The following SPRYD3 variants were observed in gnomAD, a reference collection of about 807,000 sequenced individuals.
SPRYD3 encodes SPRY domain containing 3.
Under a neutral mutation model 50.1 loss-of-function variants are expected in SPRYD3, and 17 were observed. That is an observed-to-expected ratio of 0.34 (90% CI 0.23 to 0.51). The LOEUF (loss-of-function observed/expected upper bound fraction) is 0.51. Among genes scored for constraint, SPRYD3 ranks in the 20% least tolerant of loss-of-function variants. The pLI is 0.97. For synonymous variants in SPRYD3, 198 were observed against 215.5 expected, an observed-to-expected ratio of 0.92 and a Z score of 0.71; for missense variants, 401 against 591.2, an observed-to-expected ratio of 0.68 and a Z score of 3.34.
intron 8 of SPRYD3, among the ~76,000 whole-genome samples, chr12:53,067,055 A>G (rs954834679): frequency 1.3e-5 from 2 of 149,234 alleles, no homozygotes; most frequent in African/African-American, 5.0e-5. Flanking sequence ...GGTTGCAGTG[A>G]GCCAAGATCA....
At chr12:53,073,582 C>T (rs992337532) in intron 5 of SPRYD3, 111 bp from the exon 6 acceptor site, 12 of 813,572 alleles carry the variant, frequency 1.5e-5, no homozygotes, top group Middle Eastern at 3.5e-4. Context: ...TGGTGGCTCA[C>T]GCCTGTAATC....
At chr12:53,073,260 C>CGGGGGGGGGGGGGGGGGGGGGGGGGG in intron 6 of SPRYD3, 26 bp downstream of exon 6, 1 of 416,308 alleles carries the variant, frequency 2.4e-6, no homozygotes, top group East Asian at 3.8e-5. Flanking sequence ...GACCCAGCCC[C>CGGGGGGGGGGGGGGGGGGGGGGGGGG]TCCCACCCTC....
chr12:53,073,550 A>G (rs1017969349), intron 5 of SPRYD3, 79 bp from the exon 6 acceptor site: 10 of 1,244,566 alleles, frequency 8.0e-6, no homozygotes, highest in Non-Finnish European at 9.9e-6. Flanking sequence ...GGTACTTTTA[A>G]GATGATGCAA....
At position 53,077,172 on chromosome 12, in the gene SPRYD3, C is replaced by T. The variant is rs1255240576; in HGVS notation, c.113G>A (p.Arg38Gln). 1.2e-6 allele frequency: 2 copies of T among 1,614,184 alleles called. No individual in the cohort carries two copies. Among genetic ancestry groups the T allele is most frequent in the Non-Finnish European group, 1.7e-6 (2 of 1,180,030 alleles). ...GAACCTCTCCTGATATCGGAAAGCTCGGACCTCTCGAATCTCCCGGATCCG... is the reference window on the plus strand; with the variant it reads ...GAACCTCTCCTGATATCGGAAAGCTTGGACCTCTCGAATCTCCCGGATCCG... The part of the protein sequence containing the change: ...RRRIREIREV[R>Q]AFRYQERFKH... Residue 38 changes from arginine to glutamine, a missense_variant, in exon 2 of 11, where the codon CGA becomes CAA. Transcript: ENST00000301463.
intron 1 of SPRYD3, among the ~76,000 whole-genome samples, chr12:53,077,898 C>T (rs999597658): frequency 6.6e-6 from 1 of 152,148 alleles, no homozygotes; most frequent in Non-Finnish European, 1.5e-5. Context: ...AAGGAAATGC[C>T]ATGATTGGCT....
chr12:53,065,734 G>T lies in SPRYD3; in HGVS notation c.*98C>A. On this transcript the variant is annotated 3_prime_UTR_variant, in exon 11 of 11. Transcript: ENST00000301463. ...GGCAGAGTGACTACACACCTCCAGG[G>T]GCCTGCTGGGTAAACGAAGCCTCTG... is the stretch of plus-strand genomic sequence containing the variant. 7.6e-7 allele frequency: 1 copy of T among 1,314,900 alleles called. No homozygotes were observed. The highest frequency in any genetic ancestry group is 1.1e-6 in the Non-Finnish European group (1 of 937,498). 81.5% of individuals were successfully genotyped at this position (1,314,900 alleles called of 1,614,324 possible). A position where few individuals can be genotyped will look rare whatever the true frequency, so the allele number is the denominator to read the frequency against.
intron 7 of SPRYD3, 34 bp downstream of exon 7, chr12:53,068,121 T>A (rs1944523198): frequency 6.2e-7 from 1 of 1,613,468 alleles, no homozygotes; most frequent in African/African-American, 1.3e-5. Context: ...CCTGAGCAGC[T>A]CCATGAGCAA....
Position 53,077,331 on chromosome 12 carries a change from A to G in SPRYD3, c.24-70T>C, listed in dbSNP as rs748721606. 8.4e-4 allele frequency: 1,298 copies of G among 1,547,954 alleles called. 1 individual carries two copies. The highest frequency in any genetic ancestry group is 1.1e-3 in the Non-Finnish European group (1,242 of 1,133,894). ...TAAAGCACCTCAGCCTCTGTGACCC[A>G]GAAGGTAGAGAAGGCACTGGCCTTG... On this transcript the variant is annotated intron_variant, in intron 1 of 10. Coordinates refer to ENST00000301463, the MANE Select transcript of SPRYD3 (RefSeq NM_032840.3).
intron 6 of SPRYD3, among the ~76,000 whole-genome samples, chr12:53,069,901 C>T (rs1385391959): frequency 6.6e-6 from 1 of 152,186 alleles, no homozygotes; most frequent in Non-Finnish European, 1.5e-5. Context: ...TTCTATCCAA[C>T]TGGCCTCGGT....
chr12:53,073,801 G>A (rs1944568280), intron 5 of SPRYD3, among the ~76,000 whole-genome samples: 1 of 148,646 alleles, frequency 6.7e-6, no homozygotes, highest in African/African-American at 2.5e-5. Flanking sequence ...CCGAGATGGT[G>A]CCACTGCACT....
chr12:53,067,783 C>A (rs1157400740), intron 7 of SPRYD3, 78 bp from the exon 8 acceptor site: 1 of 1,364,446 alleles, frequency 7.3e-7, no homozygotes, highest in Non-Finnish European at 1.0e-6. Context: ...AGCATCTGAA[C>A]CTCTGGGACA....
chr12:53,071,176 C>T (rs1204365485), intron 6 of SPRYD3, among the ~76,000 whole-genome samples: 1 of 152,194 alleles, frequency 6.6e-6, no homozygotes, highest in Non-Finnish European at 1.5e-5. Context: ...ACCAAGTACA[C>T]ACTCTCCTGG....
chr12:53,077,207 A>T lies in SPRYD3; in HGVS notation c.78T>A (p.Asn26Lys). ...DDLNLHYRFL[N>K]WRRRIREIRE... is the part of the protein sequence containing the mutation. ...GAATCTCCCGGATCCGCCGGCGCCA[A>T]TTCAGAAACCGGTAGTGCAGGTTGA... The change falls in exon 2 of 11, where the codon AAT becomes AAA. Residue 26 changes from asparagine (N) to lysine (K), a missense_variant. Asn to Lys is a moderately conservative substitution (Grantham distance 94, BLOSUM62 0). Transcript: ENST00000301463. 6.2e-7 allele frequency: 1 copy of T among 1,614,222 alleles called. No individual in the cohort carries two copies. The highest frequency in any genetic ancestry group is 1.1e-5 in the South Asian group (1 of 91,086).
chr12:53,066,706 G>A lies in SPRYD3; in HGVS notation c.902-14C>T. The A allele has an allele frequency of 6.3e-7, 1 of 1,597,326 alleles. No homozygotes were observed. The highest frequency in any genetic ancestry group is 1.1e-5 in the South Asian group (1 of 88,280). ...TCTTCCCATCGTCTGTTGGAGGGAG[G>A]GGAAAGGACAAACACTTGAGGAAGG... On this transcript the variant is annotated splice_polypyrimidine_tract_variant and intron_variant, in intron 8 of 10. Coordinates refer to ENST00000301463, the MANE Select transcript of SPRYD3 (RefSeq NM_032840.3).
Position 53,074,911 on chromosome 12 carries a change from C to T in SPRYD3, c.372-127G>A, listed in dbSNP as rs1367715804. The T allele has an allele frequency of 3.6e-6, 5 of 1,384,028 alleles. No individual in the cohort carries two copies. The highest frequency in any genetic ancestry group is 5.1e-6 in the Non-Finnish European group (5 of 989,994). 85.7% of individuals were successfully genotyped at this position (1,384,028 alleles called of 1,614,324 possible). A position where few individuals can be genotyped will look rare whatever the true frequency, so the allele number is the denominator to read the frequency against. ...ATTCTGTGATGGTACCCACTTACGT[C>T]CTGGCGTGAGCATCACCCTCCTCTA... On this transcript the variant is annotated intron_variant, in intron 4 of 10. Coordinates refer to ENST00000301463, the MANE Select transcript of SPRYD3 (RefSeq NM_032840.3). The surrounding 1 kb of genome is among the most constrained non-coding windows in gnomAD (Gnocchi z 4.6).
chr12:53,066,096 G>A, intron 10 of SPRYD3, 130 bp from the exon 11 acceptor site: 1 of 1,383,670 alleles, frequency 7.2e-7, no homozygotes, highest in Non-Finnish European at 9.9e-7. Flanking sequence ...CAGTTAAGGT[G>A]TTATGGGAAG....
At chr12:53,066,129 G>A (rs1944503215) in intron 10 of SPRYD3, among the ~76,000 whole-genome samples, 163 bp from the exon 11 acceptor site, 1 of 152,158 alleles carries the variant, frequency 6.6e-6, no homozygotes, top group Non-Finnish European at 1.5e-5. Context: ...GGCGTGCTGA[G>A]GCCGGAAAAC....
At chr12:53,066,803 T>C (rs1037342721) in intron 8 of SPRYD3, 111 bp from the exon 9 acceptor site, 3 of 1,382,890 alleles carry the variant, frequency 2.2e-6, no homozygotes, top group African/African-American at 2.9e-5. Context: ...AAGGGAAGGG[T>C]CAGGGCGGAA....
chr12:53,077,506 G>C (rs530016531), intron 1 of SPRYD3, among the ~76,000 whole-genome samples: 2 of 152,364 alleles, frequency 1.3e-5, no homozygotes, highest in South Asian at 2.1e-4. Flanking sequence ...CACAGGCTGG[G>C]AGGTGGACAC....
Sources: allele counts gnomAD v4.1 joint callset (sites outside exome capture counted in the v4.1 genomes callset), GRCh38; gene constraint gnomAD v4.1.1; non-coding constraint Gnocchi (gnomAD v3.1); transcripts MANE v1.5; gene names NCBI Gene and HGNC (gene_info 2026-07-23, HGNC 2026-07-21).